ULK4: variants seen among roughly 807,000 people sequenced by gnomAD.
The protein encoded by ULK4 is inactive serine/threonine-protein kinase ULK4.
Under a neutral mutation model 160.6 loss-of-function variants are expected in ULK4, and 133 were observed. That is an observed-to-expected ratio of 0.83 (90% confidence interval 0.72 to 0.96). The LOEUF (loss-of-function observed/expected upper bound fraction) is 0.96, where lower values mean the gene tolerates loss of function less well. Among genes scored for constraint, ULK4 ranks in the 40% least tolerant of loss-of-function variants. The probability of loss-of-function intolerance (pLI) is 0.00; values close to 1 mark genes in which losing one functional copy is unlikely to be tolerated. For synonymous variants in ULK4, 534 were observed against 539.8 expected (o/e 0.99, Z 0.15); for missense variants, 1,580 against 1,499.5 (o/e 1.05, Z -0.89).
intron 32 of ULK4, among the ~76,000 whole-genome samples, chr3:41,474,838 A>G (rs1384166387): frequency 6.9e-6 from 1 of 145,904 alleles, no homozygotes; most frequent in Non-Finnish European, 1.5e-5. Context: ...AAAAAAAGAA[A>G]ACAAACATTG....
At chr3:41,461,619 G>A (rs2083685860) in intron 33 of ULK4, among the ~76,000 whole-genome samples, 2 of 152,274 alleles carry the variant, frequency 1.3e-5, no homozygotes, top group South Asian at 4.1e-4. Flanking sequence ...GATCTACTGG[G>A]AAACCAGCAA....
At chr3:41,477,238 A>C (rs1178860411) in intron 32 of ULK4, among the ~76,000 whole-genome samples, 2 of 152,214 alleles carry the variant, frequency 1.3e-5, no homozygotes, top group African/African-American at 4.8e-5. Context: ...AGTTATTTTC[A>C]AGTGTTTAAT....
chr3:41,953,906 G>A lies in ULK4; in HGVS notation c.138+716C>T, dbSNP rs541133606. On this transcript the variant is annotated intron_variant, in intron 2 of 36. Coordinates refer to ENST00000301831, the MANE Select transcript of ULK4 (RefSeq NM_017886.4). ...CCATGAAAAATACAAAAAATTGGCC[G>A]GGCGCGGTGGCTCACACCTGTAATC... Among the ~76,000 whole-genome samples the A allele has an allele frequency of 1.1e-4, 16 of 152,038 alleles. No homozygotes were observed. The South Asian group carries it at 1.5e-3, about 14-fold the overall frequency.
At chr3:41,584,607 T>C (rs2030651118) in intron 31 of ULK4, among the ~76,000 whole-genome samples, 1 of 152,146 alleles carries the variant, frequency 6.6e-6, no homozygotes, top group African/African-American at 2.4e-5. Context: ...TATTAATATG[T>C]ACATACCAAA....
intron 31 of ULK4, among the ~76,000 whole-genome samples, chr3:41,606,462 ATTTCT>A (rs2032389316): frequency 6.6e-6 from 1 of 151,906 alleles, no homozygotes. Context: ...CAATATACTG[ATTTCT>A]TTTCCTTTGG....
intron 29 of ULK4, among the ~76,000 whole-genome samples, chr3:41,678,113 A>C (rs56115114): frequency 6.6e-6 from 1 of 151,656 alleles, no homozygotes; most frequent in Non-Finnish European, 1.5e-5. Context: ...TCAACTGCAG[A>C]TCTTGGGACT....
At chr3:41,875,087 G>A in intron 17 of ULK4, among the ~76,000 whole-genome samples, 1 of 152,314 alleles carries the variant, frequency 6.6e-6, no homozygotes, top group South Asian at 2.1e-4. Context: ...GGCTGAAGTG[G>A]GAGATCAGTT....
At chr3:41,632,172 G>C (rs2033774052) in intron 30 of ULK4, among the ~76,000 whole-genome samples, 1 of 152,144 alleles carries the variant, frequency 6.6e-6, no homozygotes, top group Admixed American at 6.5e-5. Context: ...GCTGGAAGGG[G>C]AGTGAACAGG....
intron 16 of ULK4, among the ~76,000 whole-genome samples, chr3:41,892,433 T>C (rs1697999739): frequency 6.6e-6 from 1 of 152,106 alleles, no homozygotes; most frequent in African/African-American, 2.4e-5. Flanking sequence ...AGCCAAAAGA[T>C]ATAAACAAGC....
intron 4 of ULK4, 147 bp from the exon 5 acceptor site, chr3:41,932,153 A>G: frequency 1.5e-6 from 1 of 681,030 alleles, no homozygotes; most frequent in South Asian, 3.4e-5. Flanking sequence ...ATTTTTTTAA[A>G]AGCTAAAGAA....
At chr3:41,378,022 C>T (rs1314769618) in intron 35 of ULK4, among the ~76,000 whole-genome samples, 3 of 151,708 alleles carry the variant, frequency 2.0e-5, no homozygotes, top group Non-Finnish European at 2.9e-5. Context: ...GGCACATATA[C>T]ACCATGGAAT....
In ULK4 at chr3:41,489,273, A is replaced by G. The variant is rs140482835; in HGVS notation, c.3227-26020T>C. Reference sequence around the variant, plus strand: ...AAGATACTTTACTGACAAACACTTCAGCATTAGATCATCTATTCTCTGCAC... The same window carrying G: ...AAGATACTTTACTGACAAACACTTCGGCATTAGATCATCTATTCTCTGCAC... On this transcript the variant is annotated intron_variant, in intron 32 of 36. Transcript: ENST00000301831. Among the ~76,000 whole-genome samples the G allele has an allele frequency of 1.4e-4, 21 of 152,310 alleles. No individual in the cohort carries two copies. The East Asian group carries it at 3.7e-3, about 27-fold the overall frequency.
chr3:41,954,382 C>T (rs866897196), intron 2 of ULK4, among the ~76,000 whole-genome samples: 5 of 151,324 alleles, frequency 3.3e-5, no homozygotes, highest in Admixed American at 6.6e-5. Flanking sequence ...TATAGTTTCC[C>T]CAATTTATAC....
chr3:41,672,578 C>T (rs1464416065), intron 29 of ULK4, among the ~76,000 whole-genome samples: 1 of 152,078 alleles, frequency 6.6e-6, no homozygotes, highest in Non-Finnish European at 1.5e-5. Context: ...TGAAGAAAAG[C>T]TGGTTAATGG....
intron 35 of ULK4, among the ~76,000 whole-genome samples, chr3:41,354,962 T>A (rs556008447): frequency 6.6e-6 from 1 of 152,306 alleles, no homozygotes; most frequent in African/African-American, 2.4e-5. Flanking sequence ...TCTGAATATG[T>A]GCCTCAAAGC....
At chr3:41,600,451 G>A (rs2031983811) in intron 31 of ULK4, among the ~76,000 whole-genome samples, 1 of 152,172 alleles carries the variant, frequency 6.6e-6, no homozygotes, top group African/African-American at 2.4e-5. Context: ...TGGAGAAGAG[G>A]AACCAATGGG....
At chr3:41,423,352 C>A (rs1025393741) in intron 34 of ULK4, among the ~76,000 whole-genome samples, 3 of 151,886 alleles carry the variant, frequency 2.0e-5, no homozygotes, top group Admixed American at 6.6e-5. Context: ...TCTTTCCTAC[C>A]TCTAAAATTT....
At chr3:41,880,912 G>C (rs1260254532) in intron 17 of ULK4, among the ~76,000 whole-genome samples, 2 of 151,430 alleles carry the variant, frequency 1.3e-5, no homozygotes, top group African/African-American at 4.9e-5. Flanking sequence ...AACAGAGCGA[G>C]ACTCTATCGC....
chr3:41,371,348 G>A (rs892623274), intron 35 of ULK4, among the ~76,000 whole-genome samples: 1 of 152,182 alleles, frequency 6.6e-6, no homozygotes, highest in Admixed American at 6.5e-5. Flanking sequence ...GCCTCCTGAT[G>A]GGGAGATACC....
Sources: gnomAD v4.1 joint callset for allele counts (sites outside exome capture counted in the v4.1 genomes callset) on GRCh38, gnomAD v4.1.1 for gene constraint, MANE v1.5 for transcripts, NCBI Gene and HGNC (gene_info 2026-07-23, HGNC 2026-07-21) for gene names.